The following AGO1 variants were observed in gnomAD, a reference collection of about 807,000 sequenced individuals.
The protein encoded by AGO1 is argonaute RISC component 1, also known as protein argonaute-1.
Under a neutral mutation model 109.2 loss-of-function variants are expected in AGO1, and 11 were observed. The ratio of observed to expected loss-of-function variants is 0.10; its 90% CI spans 0.06 to 0.17. AGO1 has a LOEUF of 0.17. AGO1 is among the 10% of genes least tolerant of loss of function. The pLI, the probability that AGO1 is intolerant of heterozygous loss-of-function variation, is 1.00. For synonymous variants in AGO1, 422 were observed against 418.6 expected, an observed-to-expected ratio of 1.01 and a Z score of -0.10; for missense variants, 574 against 1,140.3, an observed-to-expected ratio of 0.50 and a Z score of 7.15.
At chr1:35,912,159 C>A (rs1226992183) in intron 12 of AGO1, among the ~76,000 whole-genome samples, 1 of 152,076 alleles carries the variant, frequency 6.6e-6, no homozygotes, top group Non-Finnish European at 1.5e-5. Flanking sequence ...AGATCGAGAC[C>A]ATCCTGGCTA....
chr1:35,903,152 G>A (rs1374783568), intron 11 of AGO1, among the ~76,000 whole-genome samples: 4 of 151,624 alleles, frequency 2.6e-5, no homozygotes, highest in South Asian at 2.1e-4. Context: ...GACCACAGGC[G>A]CCCGCCACCA....
In AGO1 at chr1:35,888,334, C is replaced by G. The variant is rs1038526988; in HGVS notation, c.26-93C>G. On this transcript the variant is annotated intron_variant, in intron 1 of 18. Transcript: ENST00000373204. The surrounding 1 kb of genome is among the most constrained non-coding windows in gnomAD (Gnocchi z 4.1). ...AGGAAAGAGGCATTCTCTATACTCTCGTGTTCCTGTTCTGGGAGGCCTTGT... is the reference window on the plus strand; with the variant it reads ...AGGAAAGAGGCATTCTCTATACTCTGGTGTTCCTGTTCTGGGAGGCCTTGT... 14 of 1,334,448 alleles carry G rather than the reference C, an allele frequency of 1.0e-5. No individual in the cohort carries two copies. Among genetic ancestry groups the G allele is most frequent in the Non-Finnish European group, 1.4e-5 (13 of 954,074 alleles). The allele number at this position is 1,334,448 out of a possible 1,614,324, so 82.7% of individuals were successfully genotyped here.
At chr1:35,892,372 GA>G in intron 2 of AGO1, among the ~76,000 whole-genome samples, 184 bp from the exon 3 acceptor site, 1 of 152,372 alleles carries the variant, frequency 6.6e-6, no homozygotes, top group Non-Finnish European at 1.5e-5. Flanking sequence ...TGCTGAATCA[GA>G]AGCTACATTT....
intron 15 of AGO1, among the ~76,000 whole-genome samples, chr1:35,915,836 A>G (rs1284011751): frequency 2.6e-5 from 4 of 152,176 alleles, no homozygotes; most frequent in African/African-American, 9.7e-5. Context: ...GATCGCCTGG[A>G]GGGCTTGTTA....
At chr1:35,894,483 C>A in intron 7 of AGO1, 81 bp downstream of exon 7, 1 of 1,360,460 alleles carries the variant, frequency 7.4e-7, no homozygotes, top group South Asian at 1.3e-5. Flanking sequence ...TCCCTCCCTC[C>A]CCCACTGGCC....
chr1:35,894,493 C>T, intron 7 of AGO1, 91 bp downstream of exon 7: 2 of 1,307,450 alleles, frequency 1.5e-6, no homozygotes, highest in East Asian at 2.5e-5. Context: ...CCCCACTGGC[C>T]TTGAGAATGA....
chr1:35,872,048 C>T (rs1221537513), intron 1 of AGO1, among the ~76,000 whole-genome samples: 5 of 136,190 alleles, frequency 3.7e-5, no homozygotes, highest in Admixed American at 1.5e-4. Context: ...CCAGCCTGGG[C>T]GACAGAGCGA....
intron 12 of AGO1, among the ~76,000 whole-genome samples, chr1:35,912,085 C>T (rs1190304949): frequency 6.6e-6 from 1 of 152,114 alleles, no homozygotes; most frequent in Non-Finnish European, 1.5e-5. Flanking sequence ...CGGCCGGGCG[C>T]GGTGGCTCAC....
intron 8 of AGO1, among the ~76,000 whole-genome samples, chr1:35,899,893 A>G (rs1261130148): frequency 6.6e-6 from 1 of 152,218 alleles, no homozygotes; most frequent in African/African-American, 2.4e-5. Context: ...CAGAGTGGTT[A>G]AGAGTCCTGT....
At chr1:35,910,784 G>C (rs1645618742) in intron 12 of AGO1, among the ~76,000 whole-genome samples, 2 of 152,212 alleles carry the variant, frequency 1.3e-5, no homozygotes, top group East Asian at 3.9e-4. Context: ...AATGCTTCAG[G>C]CTGGGTGCAG....
intron 8 of AGO1, among the ~76,000 whole-genome samples, chr1:35,898,834 C>T (rs1645366488): frequency 6.6e-6 from 1 of 152,206 alleles, no homozygotes; most frequent in East Asian, 1.9e-4. Context: ...TCCACAAAAT[C>T]ATTTATTCAT....
chr1:35,911,223 A>C (rs1474383658), intron 12 of AGO1, among the ~76,000 whole-genome samples: 1 of 152,228 alleles, frequency 6.6e-6, no homozygotes, highest in Non-Finnish European at 1.5e-5. Context: ...TAGATAGTTC[A>C]TATCCTTATC....
intron 1 of AGO1, among the ~76,000 whole-genome samples, chr1:35,872,832 C>G (rs1252112258): frequency 1.3e-5 from 2 of 152,120 alleles, no homozygotes. Flanking sequence ...TTCAGTCTCC[C>G]AAAGCACCAA....
At chr1:35,915,937 C>T (rs1181701967) in intron 15 of AGO1, among the ~76,000 whole-genome samples, 2 of 152,106 alleles carry the variant, frequency 1.3e-5, no homozygotes, top group African/African-American at 2.4e-5. Context: ...AGTTCTTAGG[C>T]GATGCTGATA....
At chr1:35,912,553 C>G (rs1047272904) in intron 12 of AGO1, among the ~76,000 whole-genome samples, 6 of 151,674 alleles carry the variant, frequency 4.0e-5, no homozygotes, top group African/African-American at 1.5e-4. Flanking sequence ...AATTTATGGC[C>G]TATTTTTATT....
upstream of AGO1, among the ~76,000 whole-genome samples, chr1:35,880,602 G>A (rs1165361175): frequency 6.6e-6 from 1 of 152,098 alleles, no homozygotes; most frequent in African/African-American, 2.4e-5. Context: ...GATTATGATA[G>A]CAGCTGATAT....
At position 35,926,804 on chromosome 1, in the gene AGO1, C is replaced by T. The variant is rs541373139; in HGVS notation, c.*7197C>T. ...TTAGATGCATTTAGTTTTCCACTTA[C>T]GCACAACTGCCTTCTCCAGTATATC... is the stretch of plus-strand genomic sequence containing the variant. On this transcript the variant is annotated 3_prime_UTR_variant, in exon 19 of 19. Transcript: ENST00000373204. The T allele has an allele frequency of 5.9e-5, 9 of 152,178 alleles. No individual in the cohort carries two copies. The highest frequency in any genetic ancestry group is 1.4e-4 in the African/African-American group (6 of 41,434). The allele number at this position is 152,178 out of a possible 1,614,324, so 9.4% of individuals were successfully genotyped here.
upstream of AGO1, among the ~76,000 whole-genome samples, chr1:35,878,520 G>GTATC (rs1303266973): frequency 6.6e-6 from 1 of 152,118 alleles, no homozygotes; most frequent in African/African-American, 2.4e-5. Flanking sequence ...TTACATCCTT[G>GTATC]TATCTTTGAA....
At chr1:35,916,516 A>T (rs1373470600) in intron 15 of AGO1, among the ~76,000 whole-genome samples, 2 of 152,002 alleles carry the variant, frequency 1.3e-5, no homozygotes, top group Non-Finnish European at 2.9e-5. Context: ...TATAGGTATG[A>T]GTCACCACAC....
Sources: gnomAD v4.1 joint callset for allele counts (sites outside exome capture counted in the v4.1 genomes callset) on GRCh38, gnomAD v4.1.1 for gene constraint, Gnocchi (gnomAD v3.1) non-coding constraint, MANE v1.5 for transcripts, NCBI Gene and HGNC (gene_info 2026-07-23, HGNC 2026-07-21) for gene names.